The following AK8 variants were observed in gnomAD, a reference collection of about 807,000 sequenced individuals.
AK8 encodes adenylate kinase 8.
Under a neutral mutation model 54.6 loss-of-function variants are expected in AK8, and 44 were observed. The ratio of observed to expected loss-of-function variants is 0.81; its 90% CI spans 0.63 to 1.04. AK8 has a LOEUF of 1.04. AK8 is among the 50% of genes least tolerant of loss of function. The probability of loss-of-function intolerance (pLI) is 0.00; values close to 1 mark genes in which losing one functional copy is unlikely to be tolerated. For synonymous variants in AK8, 239 were observed against 245.6 expected, an observed-to-expected ratio of 0.97 and a Z score of 0.25; for missense variants, 555 against 613.6, an observed-to-expected ratio of 0.90 and a Z score of 1.01.
intron 11 of AK8, among the ~76,000 whole-genome samples, chr9:132,745,519 C>A (rs1326997482): frequency 2.0e-5 from 3 of 152,136 alleles, no homozygotes; most frequent in Non-Finnish European, 4.4e-5. Context: ...GCTCCAGAGT[C>A]GGGTGTCTGG....
intron 11 of AK8, among the ~76,000 whole-genome samples, chr9:132,731,894 T>C (rs1208871925): frequency 6.6e-6 from 1 of 152,164 alleles, no homozygotes; most frequent in Non-Finnish European, 1.5e-5. Context: ...AAAACAAAGG[T>C]AGGTGGTCTG....
At chr9:132,876,126 AC>A (rs1816770063) in intron 1 of AK8, among the ~76,000 whole-genome samples, 1 of 152,000 alleles carries the variant, frequency 6.6e-6, no homozygotes, top group Non-Finnish European at 1.5e-5. Context: ...GGGAAAGAGC[AC>A]CGAGCCATGA....
chr9:132,799,632 CT>C lies in AK8; in HGVS notation c.980-6858del. ...ACACACACCACACACCCCCACACCC[CT>C]ACACCCCACCACGTGCACAACACAT... On this transcript the variant is annotated intron_variant, in intron 10 of 12. Coordinates refer to ENST00000298545, the MANE Select transcript of AK8 (RefSeq NM_152572.3). The surrounding 1 kb of genome is among the most constrained non-coding windows in gnomAD (Gnocchi z 5.0). Among the ~76,000 whole-genome samples the C allele has an allele frequency of 6.6e-6, 1 of 151,984 alleles. No individual in the cohort carries two copies. The highest frequency in any genetic ancestry group is 1.9e-4 in the East Asian group (1 of 5,166).
chr9:132,773,838 C>A (rs1288446490), intron 11 of AK8, among the ~76,000 whole-genome samples: 5 of 152,260 alleles, frequency 3.3e-5, no homozygotes, highest in African/African-American at 9.6e-5. Context: ...CTTCCTGGAG[C>A]AGGTGGCATT....
chr9:132,788,909 A>G (rs562469545), intron 11 of AK8, among the ~76,000 whole-genome samples: 11 of 152,374 alleles, frequency 7.2e-5, no homozygotes, highest in Non-Finnish European at 1.3e-4. Context: ...ATGCATATTA[A>G]TGCAAAAAAA....
intron 5 of AK8, among the ~76,000 whole-genome samples, chr9:132,829,268 T>C (rs1462926892): frequency 2.6e-5 from 4 of 151,986 alleles, no homozygotes; most frequent in Admixed American, 2.6e-4. Flanking sequence ...TACATCTTGA[T>C]TTTTTTCTAC....
At chr9:132,807,131 T>G (rs991635417) in intron 10 of AK8, among the ~76,000 whole-genome samples, 2 of 151,712 alleles carry the variant, frequency 1.3e-5, no homozygotes, top group Non-Finnish European at 2.9e-5. Context: ...ATGTCTGGTA[T>G]GTGCCAAGGA....
chr9:132,817,015 G>A (rs1478135350), intron 9 of AK8, among the ~76,000 whole-genome samples: 1 of 152,174 alleles, frequency 6.6e-6, no homozygotes. Context: ...CCAGAGGCCT[G>A]GTAGAGAAAA....
intron 11 of AK8, among the ~76,000 whole-genome samples, chr9:132,730,436 GTTT>G (rs5900990): frequency 7.0e-6 from 1 of 141,884 alleles, no homozygotes; most frequent in Non-Finnish European, 1.5e-5. Flanking sequence ...CCCACTGCCT[GTTT>G]TTTTTTTTTT....
At chr9:132,756,213 T>G (rs878892596) in intron 11 of AK8, among the ~76,000 whole-genome samples, 2 of 152,212 alleles carry the variant, frequency 1.3e-5, no homozygotes, top group African/African-American at 4.8e-5. Flanking sequence ...TCACAGGAAG[T>G]ACAAAAACAG....
intron 11 of AK8, among the ~76,000 whole-genome samples, chr9:132,773,121 C>T (rs1020738742): frequency 1.3e-5 from 2 of 152,230 alleles, no homozygotes; most frequent in East Asian, 3.8e-4. Context: ...TCTGACACCT[C>T]ACCTGCGAGT....
At chr9:132,856,510 C>T (rs1190833102) in intron 4 of AK8, among the ~76,000 whole-genome samples, 1 of 152,114 alleles carries the variant, frequency 6.6e-6, no homozygotes, top group Non-Finnish European at 1.5e-5. Flanking sequence ...AGTCACCCTC[C>T]TGCCCTTCTG....
rs1329223941 is a variant in AK8, at chr9:132,799,518, T to C, written c.980-6743A>G. Among the ~76,000 whole-genome samples the C allele has an allele frequency of 6.6e-6, 1 of 151,536 alleles. No individual in the cohort carries two copies. The highest frequency in any genetic ancestry group is 1.5e-5 in the Non-Finnish European group (1 of 67,898). ...CGCCCCCACACACTACATACATGTC[T>C]ACACACACGACACCTGACACACTAC... On this transcript the variant is annotated intron_variant, in intron 10 of 12. Coordinates refer to ENST00000298545, the MANE Select transcript of AK8 (RefSeq NM_152572.3). This position sits in a 1 kb window ranked among gnomAD's most constrained non-coding sequence, Gnocchi z 5.0.
intron 2 of AK8, among the ~76,000 whole-genome samples, chr9:132,868,958 C>G (rs895638481): frequency 1.3e-5 from 2 of 152,154 alleles, no homozygotes; most frequent in Non-Finnish European, 2.9e-5. Flanking sequence ...ATGGGCGGAT[C>G]ACTTGAGGTC....
chr9:132,827,197 C>T, intron 7 of AK8, 143 bp from the exon 8 acceptor site: 2 of 730,632 alleles, frequency 2.7e-6, no homozygotes, highest in Non-Finnish European at 4.7e-6. Flanking sequence ...GACACCGTTG[C>T]TCAACACCAG....
chr9:132,815,215 A>C (rs1440428913), intron 9 of AK8, among the ~76,000 whole-genome samples: 1 of 152,236 alleles, frequency 6.6e-6, no homozygotes, highest in Non-Finnish European at 1.5e-5. Context: ...CTGGCAGGGC[A>C]TCTCCATGGG....
At position 132,727,500 on chromosome 9, in the gene AK8, T is replaced by G. The variant is rs930081394; in HGVS notation, c.1156A>C (p.Met386Leu). ...ATTCTTCTCAGAGTCAGCCGCTCCA[T>G]GATGGAATCAAATGGCACATTCAGG... ...FFLNVPFDSIMERLTLRRIDP... is the reference protein window; with the variant it reads ...FFLNVPFDSILERLTLRRIDP... Residue 386 changes from methionine to leucine, a missense_variant, in exon 12 of 13, where the codon ATG becomes CTG. Coordinates refer to ENST00000298545, the MANE Select transcript of AK8 (RefSeq NM_152572.3). 3 of 1,613,950 alleles carry G rather than the reference T, an allele frequency of 1.9e-6. No homozygotes were observed. The African/African-American group carries it at 4.0e-5, about 22-fold the overall frequency.
At chr9:132,866,424 T>G (rs1843600617) in intron 3 of AK8, among the ~76,000 whole-genome samples, 1 of 152,230 alleles carries the variant, frequency 6.6e-6, no homozygotes, top group Non-Finnish European at 1.5e-5. Flanking sequence ...ATGTTAAATT[T>G]GCATAAAATC....
At chr9:132,846,374 T>A (rs1032167936) in intron 5 of AK8, among the ~76,000 whole-genome samples, 1 of 152,250 alleles carries the variant, frequency 6.6e-6, no homozygotes, top group Non-Finnish European at 1.5e-5. Context: ...ACTCCTTTGC[T>A]TATTTATCTG....
Sources: allele counts gnomAD v4.1 joint callset (sites outside exome capture counted in the v4.1 genomes callset), GRCh38; gene constraint gnomAD v4.1.1; non-coding constraint Gnocchi (gnomAD v3.1); transcripts MANE v1.5; gene names NCBI Gene and HGNC (gene_info 2026-07-23, HGNC 2026-07-21).